Variants in SV2C observed in about 807,000 individuals in gnomAD.
SV2C encodes the protein synaptic vesicle glycoprotein 2C.
Under a neutral mutation model 79.7 loss-of-function variants are expected in SV2C, and 49 were observed. The observed-to-expected ratio is 0.61, with a 90% CI of 0.49 to 0.78. The LOEUF is 0.78. SV2C is among the 30% of genes least tolerant of loss of function. The pLI, the probability that SV2C is intolerant of heterozygous loss-of-function variation, is 0.00. For missense variants in SV2C, 833 were observed against 912.9 expected (o/e 0.91, Z 1.13); for synonymous variants, 334 against 333.2 (o/e 1.00, Z -0.03).
the SV2C span, among the ~76,000 whole-genome samples, chr5:75,966,091 T>G: frequency 6.6e-6 from 1 of 152,206 alleles, no homozygotes. Flanking sequence ...TCAACATTAT[T>G]GATTAGCTGC....
chr5:76,333,831 A>G lies in SV2C; in HGVS notation c.*8284A>G, dbSNP rs1749251024. On this transcript the variant is annotated 3_prime_UTR_variant, in exon 13 of 13. Coordinates refer to ENST00000502798, the MANE Select transcript of SV2C (RefSeq NM_014979.4). ...GCTCGTGTACAGCATAAATCTATCAAACTTGGAATTGTGTATACATTTATA... is the reference window on the plus strand; with the variant it reads ...GCTCGTGTACAGCATAAATCTATCAGACTTGGAATTGTGTATACATTTATA... The G allele has an allele frequency of 6.6e-6, 1 of 152,238 alleles. No individual in the cohort carries two copies. Among genetic ancestry groups the G allele is most frequent in the African/African-American group, 2.4e-5 (1 of 41,460 alleles). 9.4% of individuals were successfully genotyped at this position (152,238 alleles called of 1,614,324 possible). A position where few individuals can be genotyped will look rare whatever the true frequency, so the allele number is the denominator to read the frequency against.
At chr5:76,187,405 A>T (rs138618038) in intron 2 of SV2C, among the ~76,000 whole-genome samples, 129 of 152,302 alleles carry the variant, frequency 8.5e-4, no homozygotes, top group Non-Finnish European at 1.1e-3. Context: ...TTATCTGCCC[A>T]TGTTTGGTCT....
the SV2C span, among the ~76,000 whole-genome samples, chr5:76,027,452 G>A: frequency 2.0e-5 from 3 of 151,522 alleles, no homozygotes; most frequent in African/African-American, 7.3e-5. Context: ...TTAGAAAGCA[G>A]TTGTTCTTTC....
the SV2C span, among the ~76,000 whole-genome samples, chr5:75,945,154 C>CA: frequency 6.6e-6 from 1 of 152,030 alleles, no homozygotes; most frequent in Non-Finnish European, 1.5e-5. Flanking sequence ...TAAGAAGATA[C>CA]AAGTTCCCAG....
At chr5:76,225,336 C>A (rs1341483299) in intron 4 of SV2C, among the ~76,000 whole-genome samples, 2 of 152,182 alleles carry the variant, frequency 1.3e-5, no homozygotes, top group African/African-American at 4.8e-5. Context: ...TTCCTCATTC[C>A]CATGCTCAGC....
chr5:76,009,488 T>G, the SV2C span, among the ~76,000 whole-genome samples: 9 of 152,170 alleles, frequency 5.9e-5, no homozygotes, highest in African/African-American at 1.9e-4. Context: ...CTATTTGCAA[T>G]AGCAAAGACA....
chr5:76,309,058 C>G (rs1748313217), intron 12 of SV2C, among the ~76,000 whole-genome samples: 1 of 151,886 alleles, frequency 6.6e-6, no homozygotes, highest in Admixed American at 6.6e-5. Flanking sequence ...TAATTGAGAT[C>G]TAGTAGGTGA....
intron 12 of SV2C, among the ~76,000 whole-genome samples, chr5:76,352,329 G>T (rs771861740): frequency 6.6e-6 from 1 of 152,232 alleles, no homozygotes; most frequent in African/African-American, 2.4e-5. Context: ...GTTATGGTTT[G>T]ACTGTGCCCC....
At chr5:76,246,129 TG>T (rs2112430563) in intron 4 of SV2C, among the ~76,000 whole-genome samples, 1 of 152,250 alleles carries the variant, frequency 6.6e-6, no homozygotes, top group East Asian at 1.9e-4. Flanking sequence ...TGAGGACTCC[TG>T]GGAGTTAGGG....
intron 1 of SV2C, chr5:76,084,273 C>T (rs1472466279): frequency 6.6e-6 from 1 of 152,288 alleles, no homozygotes; most frequent in Non-Finnish European, 1.5e-5. Flanking sequence ...CTGTGAAGCT[C>T]AGAGGGGAGA....
chr5:76,335,525 A>T (rs900727370), downstream of SV2C, among the ~76,000 whole-genome samples: 1 of 150,360 alleles, frequency 6.7e-6, no homozygotes, highest in Non-Finnish European at 1.5e-5. Context: ...CAGATAAACA[A>T]GTGAACAAAG....
chr5:75,904,369 A>C, the SV2C span, among the ~76,000 whole-genome samples: 9 of 149,036 alleles, frequency 6.0e-5, no homozygotes, highest in Non-Finnish European at 1.2e-4. Flanking sequence ...CAGTCCTCAA[A>C]AAAACAAAAC....
At chr5:75,964,852 T>A in the SV2C span, among the ~76,000 whole-genome samples, 1 of 152,204 alleles carries the variant, frequency 6.6e-6, no homozygotes, top group Non-Finnish European at 1.5e-5. Flanking sequence ...ACATATATGC[T>A]GTTGTCATTA....
upstream of SV2C, among the ~76,000 whole-genome samples, chr5:76,080,548 T>C (rs1746970091): frequency 6.6e-6 from 1 of 152,256 alleles, no homozygotes; most frequent in Non-Finnish European, 1.5e-5. Flanking sequence ...TACTAGGCAC[T>C]GTGCTTCTTG....
chr5:76,053,218 C>T, the SV2C span, among the ~76,000 whole-genome samples: 3 of 151,920 alleles, frequency 2.0e-5, no homozygotes, highest in African/African-American at 7.3e-5. Flanking sequence ...TTTTTTGTTC[C>T]AAGTGTCATT....
chr5:76,241,926 A>C (rs1172256875), intron 4 of SV2C: 7 of 741,948 alleles, frequency 9.4e-6, no homozygotes, highest in Non-Finnish European at 1.6e-5. Context: ...ATAAAATAAA[A>C]TAAAACAAAA....
chr5:75,888,589 G>A, the SV2C span, among the ~76,000 whole-genome samples: 1 of 151,934 alleles, frequency 6.6e-6, no homozygotes, highest in Non-Finnish European at 1.5e-5. Context: ...CAGCCTTTAG[G>A]TCTCAACTTA....
chr5:76,219,592 A>G (rs1450146583), intron 4 of SV2C, among the ~76,000 whole-genome samples: 1 of 152,226 alleles, frequency 6.6e-6, no homozygotes, highest in East Asian at 1.9e-4. Flanking sequence ...CTCCCAGCCC[A>G]GCCTCTTGTC....
At chr5:76,170,411 T>G (rs1460170825) in intron 2 of SV2C, among the ~76,000 whole-genome samples, 1 of 115,774 alleles carries the variant, frequency 8.6e-6, no homozygotes, top group Non-Finnish European at 1.8e-5. Context: ...GCAAAAATAC[T>G]AAACCTGTAT....
Sources: allele counts gnomAD v4.1 joint callset (sites outside exome capture counted in the v4.1 genomes callset), GRCh38; gene constraint gnomAD v4.1.1; transcripts MANE v1.5; gene names NCBI Gene and HGNC (gene_info 2026-07-23, HGNC 2026-07-21).